The following SKI variants were observed in gnomAD, a reference collection of about 807,000 sequenced individuals.
SKI encodes the protein SKI proto-oncogene, also known as ski oncogene.
In SKI, 23 loss-of-function variants were observed where a neutral mutation model predicts 59.3. The observed-to-expected ratio is 0.39, with a 90% CI of 0.28 to 0.55. SKI has a LOEUF of 0.55. Among genes scored for constraint, SKI ranks in the 20% least tolerant of loss-of-function variants. The pLI is 0.67. For synonymous variants in SKI, 673 were observed against 488.6 expected, an observed-to-expected ratio of 1.38 and a Z score of -4.98; for missense variants, 1,017 against 1,038.9, an observed-to-expected ratio of 0.98 and a Z score of 0.29.
chr1:2,285,895 A>C (rs1640031000), intron 1 of SKI, among the ~76,000 whole-genome samples: 1 of 128,114 alleles, frequency 7.8e-6, no homozygotes, highest in Non-Finnish European at 1.6e-5. Context: ...TTTTTTTGAA[A>C]CGGAGTCTCG....
chr1:2,259,650 C>T (rs1639342046), intron 1 of SKI, among the ~76,000 whole-genome samples: 1 of 152,180 alleles, frequency 6.6e-6, no homozygotes, highest in African/African-American at 2.4e-5. Context: ...ATAAAACCCT[C>T]GCTGCCGTCC....
At chr1:2,294,208 T>C (rs983910838) in intron 1 of SKI, among the ~76,000 whole-genome samples, 13 of 152,130 alleles carry the variant, frequency 8.5e-5, no homozygotes, top group Admixed American at 3.9e-4. Context: ...GCCTGATAGC[T>C]CCGCAGGATT....
At chr1:2,258,969 C>T (rs1639328731) in intron 1 of SKI, among the ~76,000 whole-genome samples, 1 of 152,292 alleles carries the variant, frequency 6.6e-6, no homozygotes, top group East Asian at 1.9e-4. Context: ...CATCACTTGG[C>T]CGGTTTTCTA....
In SKI at chr1:2,304,047, C is replaced by T. The variant is rs748183781; in HGVS notation, c.1419C>T (p.Ala473=). The T allele has an allele frequency of 1.2e-6, 2 of 1,612,580 alleles. No homozygotes were observed. The highest frequency in any genetic ancestry group is 1.7e-4 in the Middle Eastern group (1 of 6,052). Residue 473 remains alanine, a synonymous_variant, in exon 4 of 7, where the codon GCC becomes GCT. Transcript: ENST00000378536. The part of the protein sequence containing the change: ...GAPETLAPVA[A]PEEDKDSEAE... ...CAGAGACGCTGGCGCCCGTGGCTGC[C>T]CCAGAGGAGGACAAGGACTCGGAGG...
At position 2,303,457 on chromosome 1, in the gene SKI, G is replaced by T. The variant is rs1488398755; in HGVS notation, c.1211+57G>T. ...TCACGGGGGAGGCTCCACGAGGGCT[G>T]TGCATGCGGACGCGCCCATGTTTCT... On this transcript the variant is annotated intron_variant, in intron 3 of 6. Transcript: ENST00000378536. This position sits in a 1 kb window ranked among gnomAD's most constrained non-coding sequence, Gnocchi z 5.6. The T allele has an allele frequency of 1.1e-5, 16 of 1,476,102 alleles. No individual in the cohort carries two copies. Among genetic ancestry groups the T allele is most frequent in the African/African-American group, 1.4e-5 (1 of 72,154 alleles). 91.4% of individuals were successfully genotyped at this position (1,476,102 alleles called of 1,614,324 possible). A position where few individuals can be genotyped will look rare whatever the true frequency, so the allele number is the denominator to read the frequency against.
intron 1 of SKI, among the ~76,000 whole-genome samples, chr1:2,300,358 G>C (rs532477154): frequency 4.1e-4 from 62 of 151,826 alleles, no homozygotes; most frequent in African/African-American, 1.4e-3. Context: ...CTCCTGCCTC[G>C]TGGCCTGTGG....
At chr1:2,298,826 G>A (rs1203472515) in intron 1 of SKI, among the ~76,000 whole-genome samples, 2 of 152,228 alleles carry the variant, frequency 1.3e-5, no homozygotes, top group Non-Finnish European at 1.5e-5. Context: ...GGGCGGGCGC[G>A]TGTGCCAGCT....
At chr1:2,231,225 CGGG>C in intron 1 of SKI, among the ~76,000 whole-genome samples, 1 of 151,750 alleles carries the variant, frequency 6.6e-6, no homozygotes, top group African/African-American at 2.4e-5. Context: ...AGCCACATGT[CGGG>C]GGGGATTGTG....
chr1:2,263,556 T>G (rs1178339456), intron 1 of SKI, among the ~76,000 whole-genome samples: 5 of 151,976 alleles, frequency 3.3e-5, no homozygotes, highest in Non-Finnish European at 2.9e-5. Context: ...GCATTTATAT[T>G]CATGAGGGAT....
chr1:2,243,123 T>C (rs1638916306), intron 1 of SKI, among the ~76,000 whole-genome samples: 1 of 152,258 alleles, frequency 6.6e-6, no homozygotes, highest in Non-Finnish European at 1.5e-5. Flanking sequence ...TGGTGCCTTT[T>C]TGGGCCAGCC....
At chr1:2,231,599 C>A in intron 1 of SKI, among the ~76,000 whole-genome samples, 1 of 152,230 alleles carries the variant, frequency 6.6e-6, no homozygotes, top group East Asian at 1.9e-4. Flanking sequence ...CCGCCTTTCC[C>A]TTTTGAAGTC....
intron 1 of SKI, among the ~76,000 whole-genome samples, chr1:2,255,307 C>G (rs949602409): frequency 6.6e-6 from 1 of 152,230 alleles, no homozygotes; most frequent in African/African-American, 2.4e-5. Flanking sequence ...CTGTACCTGC[C>G]ACAGCCCCAC....
chr1:2,234,448 G>A (rs1318043252), intron 1 of SKI, among the ~76,000 whole-genome samples: 2 of 152,222 alleles, frequency 1.3e-5, no homozygotes, highest in African/African-American at 2.4e-5. Flanking sequence ...GGCTATTTGT[G>A]CAATGTCTGT....
chr1:2,279,671 ACTGGGCGTGG>A (rs1332643254), intron 1 of SKI, among the ~76,000 whole-genome samples: 3 of 152,148 alleles, frequency 2.0e-5, no homozygotes, highest in Non-Finnish European at 2.9e-5. Flanking sequence ...CCACCCAGGC[ACTGGGCGTGG>A]CCCAGCCCCA....
intron 1 of SKI, among the ~76,000 whole-genome samples, chr1:2,294,301 C>A (rs1640235171): frequency 6.6e-6 from 1 of 152,248 alleles, no homozygotes; most frequent in African/African-American, 2.4e-5. Context: ...GAAAAGGTTT[C>A]ATCTGGTGAT....
At chr1:2,230,074 C>T (rs781170825) in intron 1 of SKI, among the ~76,000 whole-genome samples, 4 of 152,190 alleles carry the variant, frequency 2.6e-5, no homozygotes, top group Admixed American at 6.5e-5. Context: ...AAGCGGCCTG[C>T]CCCAGGTCAG....
chr1:2,259,966 C>T (rs1489795653), intron 1 of SKI, among the ~76,000 whole-genome samples: 1 of 152,210 alleles, frequency 6.6e-6, no homozygotes, highest in Non-Finnish European at 1.5e-5. Flanking sequence ...AAGAAAGCGG[C>T]TGTGAACATT....
intron 4 of SKI, 43 bp downstream of exon 4, chr1:2,304,145 G>A (rs199991295): frequency 7.5e-6 from 12 of 1,607,642 alleles, no homozygotes; most frequent in South Asian, 3.3e-5. Flanking sequence ...TGTGGGCTGT[G>A]GGGGTGGCAC....
At chr1:2,249,242 G>A (rs1639066516) in intron 1 of SKI, among the ~76,000 whole-genome samples, 1 of 152,216 alleles carries the variant, frequency 6.6e-6, no homozygotes, top group Admixed American at 6.5e-5. Flanking sequence ...GGGTCCACAG[G>A]GCCCCTTGCC....
Sources: allele counts gnomAD v4.1 joint callset (sites outside exome capture counted in the v4.1 genomes callset), GRCh38; gene constraint gnomAD v4.1.1; non-coding constraint Gnocchi (gnomAD v3.1); transcripts MANE v1.5; gene names NCBI Gene and HGNC (gene_info 2026-07-23, HGNC 2026-07-21).